Variants in BLTP1 observed in about 807,000 individuals in gnomAD.
The protein encoded by BLTP1 is bridge-like lipid transfer protein family member 1.
chr4:122,317,603 A>G, the BLTP1 span, among the ~76,000 whole-genome samples: 4 of 150,366 alleles, frequency 2.7e-5, no homozygotes, highest in African/African-American at 9.8e-5. Flanking sequence ...GTCATGCCTC[A>G]TCTTTTCTAA....
the BLTP1 span, chr4:122,240,362 C>G: frequency 1.2e-6 from 2 of 1,600,984 alleles, no homozygotes; most frequent in Admixed American, 1.7e-5. Context: ...AGGTATAAAC[C>G]AAATCATTAG....
chr4:122,359,970 A>C, the BLTP1 span: 2 of 985,278 alleles, frequency 2.0e-6, no homozygotes, highest in African/African-American at 3.5e-5. Flanking sequence ...CATTACTAAA[A>C]TATGAGAATA....
the BLTP1 span, among the ~76,000 whole-genome samples, chr4:122,165,770 T>G: frequency 2.2e-5 from 3 of 137,454 alleles, no homozygotes. Context: ...CCATTCTAAC[T>G]GGTGTGAGAT....
chr4:122,163,147 C>G, the BLTP1 span, among the ~76,000 whole-genome samples: 1 of 151,926 alleles, frequency 6.6e-6, no homozygotes, highest in Non-Finnish European at 1.5e-5. Context: ...CAGAAACAAA[C>G]CTGGGATAAA....
the BLTP1 span, chr4:122,271,152 A>T: frequency 6.2e-7 from 1 of 1,613,910 alleles, no homozygotes; most frequent in Non-Finnish European, 8.5e-7. Flanking sequence ...TCTTTTCATG[A>T]TCTCAGCAAG....
chr4:122,191,421 T>C, the BLTP1 span, among the ~76,000 whole-genome samples: 9 of 152,310 alleles, frequency 5.9e-5, no homozygotes, highest in East Asian at 1.7e-3. Context: ...TCTTTTATGA[T>C]GAGACCACCA....
chr4:122,243,880 A>G, the BLTP1 span: 2 of 1,598,986 alleles, frequency 1.3e-6, no homozygotes, highest in Non-Finnish European at 1.7e-6. Flanking sequence ...TTGGAAAAAA[A>G]ACTCGCTGAT....
the BLTP1 span, chr4:122,274,336 A>G: frequency 1.5e-6 from 2 of 1,350,066 alleles, no homozygotes; most frequent in Non-Finnish European, 1.1e-6. Context: ...TTTTTCTCAT[A>G]TTTAAGATGT....
At chr4:122,234,687 T>C in the BLTP1 span, 20 of 1,314,544 alleles carry the variant, frequency 1.5e-5, no homozygotes, top group South Asian at 1.7e-4. Flanking sequence ...AATTAACTTA[T>C]ATTTAATTAT....
the BLTP1 span, chr4:122,336,023 T>C: frequency 5.6e-6 from 3 of 533,732 alleles, no homozygotes; most frequent in East Asian, 6.0e-5. Flanking sequence ...TAATCGCCTC[T>C]GTATTCTAAC....
chr4:122,265,056 G>A, the BLTP1 span, among the ~76,000 whole-genome samples: 23 of 152,140 alleles, frequency 1.5e-4, no homozygotes, highest in Non-Finnish European at 3.2e-4. Context: ...GTGTGAGAGT[G>A]GGACGTGGGT....
At chr4:122,271,987 T>G in the BLTP1 span, 1 of 392,858 alleles carries the variant, frequency 2.5e-6, no homozygotes, top group East Asian at 1.6e-4. Flanking sequence ...ACTATTCACT[T>G]TCAGTAGGAA....
At chr4:122,185,463 C>T in the BLTP1 span, 5 of 976,014 alleles carry the variant, frequency 5.1e-6, no homozygotes, top group Non-Finnish European at 6.1e-6. Context: ...GTGCCTCATC[C>T]ATCACTTTAA....
At chr4:122,203,795 C>T in the BLTP1 span, 1 of 517,882 alleles carries the variant, frequency 1.9e-6, no homozygotes. Flanking sequence ...AAGAAAAAAA[C>T]TAACACGATT....
the BLTP1 span, chr4:122,298,609 A>C: frequency 1.1e-6 from 1 of 915,548 alleles, no homozygotes; most frequent in Admixed American, 6.2e-5. Flanking sequence ...TGATAAGCAA[A>C]TTACAAAGAT....
chr4:122,161,159 T>C, the BLTP1 span: 1 of 981,836 alleles, frequency 1.0e-6, no homozygotes, highest in Non-Finnish European at 1.2e-6. Flanking sequence ...AGAACTGTGA[T>C]GAAATCCAGA....
At chr4:122,255,024 A>G in the BLTP1 span, 12 of 1,497,794 alleles carry the variant, frequency 8.0e-6, no homozygotes, top group African/African-American at 9.8e-5. Flanking sequence ...ATTGTTAATC[A>G]TTATTGGAAA....
chr4:122,215,564 A>C, the BLTP1 span: 11 of 985,334 alleles, frequency 1.1e-5, no homozygotes, highest in Non-Finnish European at 1.3e-5. Context: ...TCCACTTTAC[A>C]CTTGACCCTG....
chr4:122,267,051 A>ATTTT, the BLTP1 span: 5,321 of 151,112 alleles, frequency 0.035, 800 homozygotes, highest in Non-Finnish European at 0.047. Flanking sequence ...TAAGGAAGTA[A>ATTTT]TTTTTTTTTT....
Sources: gnomAD v4.1 joint callset for allele counts (sites outside exome capture counted in the v4.1 genomes callset) on GRCh38, gnomAD v4.1.1 for gene constraint, MANE v1.5 for transcripts, NCBI Gene and HGNC (gene_info 2026-07-23, HGNC 2026-07-21) for gene names.